GALNTL6: variants seen among roughly 807,000 people sequenced by gnomAD.
GALNTL6 encodes the protein polypeptide N-acetylgalactosaminyltransferase-like 6.
Under a neutral mutation model 73.7 loss-of-function variants are expected in GALNTL6, and 46 were observed. That is an observed-to-expected ratio of 0.62 (90% confidence interval 0.49 to 0.80). The LOEUF is 0.80. GALNTL6 is among the 30% of genes least tolerant of loss of function. The pLI, the probability that GALNTL6 is intolerant of heterozygous loss-of-function variation, is 0.00. For synonymous variants in GALNTL6, 259 were observed against 263.7 expected, an observed-to-expected ratio of 0.98 and a Z score of 0.17; for missense variants, 604 against 755.0, an observed-to-expected ratio of 0.80 and a Z score of 2.34.
intron 2 of GALNTL6, among the ~76,000 whole-genome samples, chr4:172,167,696 C>T (rs1027341041): frequency 6.6e-5 from 10 of 151,986 alleles, no homozygotes; most frequent in Non-Finnish European, 1.0e-4. Flanking sequence ...CGGTGGCTCA[C>T]GCCTGTAATC....
intron 5 of GALNTL6, among the ~76,000 whole-genome samples, chr4:172,630,158 A>G (rs1487782496): frequency 6.6e-6 from 1 of 152,116 alleles, no homozygotes; most frequent in African/African-American, 2.4e-5. Context: ...AGCCACTTTC[A>G]TTACTGTCAG....
intron 2 of GALNTL6, among the ~76,000 whole-genome samples, chr4:172,067,119 C>T (rs1462798935): frequency 6.6e-6 from 1 of 151,792 alleles, no homozygotes; most frequent in African/African-American, 2.4e-5. Flanking sequence ...TAATTAGTCT[C>T]TTCCTCTCCC....
chr4:172,399,462 A>AT (rs1743964329), intron 5 of GALNTL6, among the ~76,000 whole-genome samples: 1 of 149,982 alleles, frequency 6.7e-6, no homozygotes, highest in Admixed American at 6.8e-5. Flanking sequence ...ATTATCAAGA[A>AT]TTTTTTCTTC....
At chr4:172,221,573 G>GTC (rs1736677196) in intron 2 of GALNTL6, among the ~76,000 whole-genome samples, 2 of 151,610 alleles carry the variant, frequency 1.3e-5, no homozygotes, top group Admixed American at 1.3e-4. Flanking sequence ...GTGTGTGTGT[G>GTC]TTTCTTCACC....
intron 11 of GALNTL6, among the ~76,000 whole-genome samples, chr4:173,014,135 G>C (rs1752677557): frequency 6.6e-6 from 1 of 152,190 alleles, no homozygotes; most frequent in Admixed American, 6.5e-5. Context: ...ACCTGTATAA[G>C]AAAATGCCTT....
rs1395237296 is a variant in GALNTL6 at position 172,487,295 on chromosome 4, CTTCTGTCTTTCTTTCTTTCT to C, written c.553+138611_553+138630del. 1.8e-4 allele frequency among the ~76,000 whole-genome samples: 15 copies of C among 81,570 alleles called. No homozygotes were observed. In the East Asian group the frequency reaches 2.0e-3, roughly 11 times the overall value. 53.5% of individuals were successfully genotyped at this position (81,570 alleles called of 152,430 possible). ...TCCTCTTTCTTTCTTTCCTTCTTTC[CTTCTGTCTTTCTTTCTTTCT>C]TTCTTTCTTTCTTTCTTTCTTTCTT... On this transcript the variant is annotated intron_variant, in intron 5 of 12. Coordinates refer to ENST00000506823, the MANE Select transcript of GALNTL6 (RefSeq NM_001034845.3).
chr4:172,669,806 G>A (rs893029925), intron 5 of GALNTL6, among the ~76,000 whole-genome samples: 11 of 151,678 alleles, frequency 7.3e-5, no homozygotes, highest in Non-Finnish European at 1.3e-4. Flanking sequence ...TTTCCTTCTC[G>A]TTTTCCTCCT....
chr4:172,904,648 C>G (rs2653826), intron 8 of GALNTL6, among the ~76,000 whole-genome samples: 5,916 of 152,176 alleles, frequency 0.039, 397 homozygotes, highest in African/African-American at 0.13. Context: ...CACCCTGGTC[C>G]TCCAGACCTG....
chr4:172,663,183 T>C (rs990060577), intron 5 of GALNTL6, among the ~76,000 whole-genome samples: 8 of 152,118 alleles, frequency 5.3e-5, no homozygotes, highest in African/African-American at 1.7e-4. Context: ...TGTGTTCTAT[T>C]CTAGGTGCAA....
chr4:172,896,579 A>G (rs1309183068), intron 8 of GALNTL6, among the ~76,000 whole-genome samples: 1 of 152,184 alleles, frequency 6.6e-6, no homozygotes, highest in African/African-American at 2.4e-5. Context: ...TGGATCCTCA[A>G]TTGCAACAAG....
At chr4:172,762,460 A>AG (rs1209712036) in intron 5 of GALNTL6, among the ~76,000 whole-genome samples, 1 of 151,880 alleles carries the variant, frequency 6.6e-6, no homozygotes, top group African/African-American at 2.4e-5. Flanking sequence ...TTAAAAAAAA[A>AG]AAAAGGAGTA....
At chr4:172,199,127 C>G (rs779165341) in intron 2 of GALNTL6, among the ~76,000 whole-genome samples, 1 of 152,050 alleles carries the variant, frequency 6.6e-6, no homozygotes, top group Non-Finnish European at 1.5e-5. Context: ...ATCCTCCACT[C>G]CTGAAAAAAG....
intron 2 of GALNTL6, among the ~76,000 whole-genome samples, chr4:171,833,681 G>T (rs754478212): frequency 1.5e-4 from 23 of 151,668 alleles, no homozygotes; most frequent in African/African-American, 3.9e-4. Flanking sequence ...TATAATGTCC[G>T]ATTTCTGTAT....
chr4:172,917,035 G>C (rs894064789), intron 8 of GALNTL6, among the ~76,000 whole-genome samples: 4 of 152,158 alleles, frequency 2.6e-5, no homozygotes, highest in African/African-American at 4.8e-5. Flanking sequence ...GCATGGTACT[G>C]TTACCAAAAC....
chr4:172,208,963 A>T (rs895298773), intron 2 of GALNTL6, among the ~76,000 whole-genome samples: 12 of 152,164 alleles, frequency 7.9e-5, no homozygotes, highest in African/African-American at 9.6e-5. Context: ...AGCATAAATA[A>T]TTGCACAAAA....
At chr4:172,847,755 C>A (rs922888731) in intron 7 of GALNTL6, among the ~76,000 whole-genome samples, 2 of 152,200 alleles carry the variant, frequency 1.3e-5, no homozygotes, top group South Asian at 2.1e-4. Context: ...ACATAAGTAT[C>A]TTTTTATATT....
intron 2 of GALNTL6, among the ~76,000 whole-genome samples, chr4:172,186,715 A>G (rs189061628): frequency 9.9e-5 from 15 of 152,244 alleles, no homozygotes; most frequent in Admixed American, 9.2e-4. Context: ...TATATGAAAT[A>G]TGAACAATAG....
chr4:172,835,341 G>A (rs1742852612), intron 7 of GALNTL6, among the ~76,000 whole-genome samples: 1 of 152,270 alleles, frequency 6.6e-6, no homozygotes, highest in Non-Finnish European at 1.5e-5. Context: ...CTCGAAGGAT[G>A]AGGAGGTTTT....
intron 2 of GALNTL6, among the ~76,000 whole-genome samples, chr4:171,983,472 A>ATT (rs1276440743): frequency 2.1e-5 from 3 of 144,372 alleles, no homozygotes; most frequent in Non-Finnish European, 3.0e-5. Flanking sequence ...GATTTTATTT[A>ATT]TTTATTTATT....
Sources: allele counts gnomAD v4.1 joint callset (sites outside exome capture counted in the v4.1 genomes callset), GRCh38; gene constraint gnomAD v4.1.1; transcripts MANE v1.5; gene names NCBI Gene and HGNC (gene_info 2026-07-23, HGNC 2026-07-21).